The following SIN3B variants were observed in gnomAD, a reference collection of about 807,000 sequenced individuals.
SIN3B encodes paired amphipathic helix protein Sin3b.
A neutral mutation model predicts 120.2 loss-of-function variants in SIN3B; 19 were observed. The ratio of observed to expected loss-of-function variants is 0.16; its 90% CI spans 0.11 to 0.23. SIN3B has a LOEUF of 0.23. Among genes scored for constraint, SIN3B ranks in the 10% least tolerant of loss-of-function variants. The pLI is 1.00. For synonymous variants in SIN3B, 654 were observed against 653.2 expected, an observed-to-expected ratio of 1.00 and a Z score of -0.02; for missense variants, 1,073 against 1,573.0, an observed-to-expected ratio of 0.68 and a Z score of 5.38.
intron 3 of SIN3B, among the ~76,000 whole-genome samples, chr19:16,832,645 C>T (rs532608069): frequency 1.3e-5 from 2 of 151,808 alleles, no homozygotes; most frequent in East Asian, 3.9e-4. Context: ...GGACTACAGG[C>T]GTGCACCACC....
intron 14 of SIN3B, chr19:16,872,659 G>C (rs978626563): frequency 6.6e-6 from 1 of 152,140 alleles, no homozygotes; most frequent in African/African-American, 2.4e-5. Context: ...GGGCAGGCTG[G>C]TCTCGAACTC....
intron 8 of SIN3B, among the ~76,000 whole-genome samples, chr19:16,860,821 C>T (rs1000973281): frequency 2.0e-5 from 3 of 151,882 alleles, no homozygotes; most frequent in Admixed American, 1.3e-4. Flanking sequence ...TCTCGATCTC[C>T]TGACCTCGTG....
At position 16,876,415 on chromosome 19, in the gene SIN3B, G is replaced by A. The variant is rs1599619034; in HGVS notation, c.2767-71G>A. Reference sequence around the variant, plus strand: ...GGGTGGCAAAGGCGGGAGGCGGGTGGCCTTGCGAGCCTGCGCTGTGCCGGC... The same window carrying A: ...GGGTGGCAAAGGCGGGAGGCGGGTGACCTTGCGAGCCTGCGCTGTGCCGGC... On this transcript the variant is annotated intron_variant, in intron 15 of 18. Transcript: ENST00000248054. This position sits in a 1 kb window ranked among gnomAD's most constrained non-coding sequence, Gnocchi z 7.1. The A allele has an allele frequency of 1.3e-6, 2 of 1,514,076 alleles. No individual in the cohort carries two copies. Among genetic ancestry groups the A allele is most frequent in the East Asian group, 2.3e-5 (1 of 43,874 alleles). 93.8% of individuals were successfully genotyped at this position (1,514,076 alleles called of 1,614,324 possible).
intron 8 of SIN3B, among the ~76,000 whole-genome samples, chr19:16,859,556 G>A (rs2144605511): frequency 6.6e-6 from 1 of 152,250 alleles, no homozygotes; most frequent in Non-Finnish European, 1.5e-5. Context: ...GTGGTCTCAG[G>A]CATGCACGTG....
intron 3 of SIN3B, among the ~76,000 whole-genome samples, chr19:16,839,142 AT>A (rs1468098220): frequency 2.3e-4 from 35 of 151,532 alleles, no homozygotes; most frequent in Non-Finnish European, 4.3e-4. Flanking sequence ...TAATTTTTGT[AT>A]TTTTAGTGGA....
chr19:16,863,106 A>G lies in SIN3B; in HGVS notation c.1266+547A>G, dbSNP rs1416279920. 4 of 711,206 alleles carry G rather than the reference A, an allele frequency of 5.6e-6. No individual in the cohort carries two copies. The African/African-American group carries it at 7.1e-5, about 13-fold the overall frequency. 44.1% of individuals were successfully genotyped at this position (711,206 alleles called of 1,614,324 possible). A position where few individuals can be genotyped will look rare whatever the true frequency, so the allele number is the denominator to read the frequency against. On this transcript the variant is annotated intron_variant, in intron 9 of 18. Coordinates refer to ENST00000248054, the MANE Select transcript of SIN3B (RefSeq NM_001297595.2). ...GCTGCTTTTCTCACCACAAAGGCAG[A>G]GTTGAGTATTCATCTGGGATGGCCT...
At chr19:16,848,243 T>C (rs1160307440) in intron 5 of SIN3B, among the ~76,000 whole-genome samples, 3 of 152,206 alleles carry the variant, frequency 2.0e-5, no homozygotes, top group Non-Finnish European at 4.4e-5. Flanking sequence ...GAACACCTGT[T>C]TTCAGTTCTT....
Position 16,869,676 on chromosome 19 carries a change from G to A in SIN3B, c.2023G>A (p.Gly675Ser). 1 of 1,613,570 alleles carries A rather than the reference G, an allele frequency of 6.2e-7. No individual in the cohort carries two copies. Among genetic ancestry groups the A allele is most frequent in the South Asian group, 1.1e-5 (1 of 91,088 alleles). Residue 675 changes from glycine (G) to serine (S), a missense_variant, in exon 13 of 19, where the codon GGC (glycine) becomes AGC (serine). Around this residue, in one of 7 missense-constraint regions of SIN3B, gnomAD observed 169 missense variants for 207.3 expected, o/e 0.82. Transcript: ENST00000248054. ...CTTCTTCTCTCAGCAGCTGGACCTG[G>A]GCGCCTCCGAGGAGTCAGCTGATGA... The part of the protein sequence containing the change: ...SLFFSQQLDL[G>S]ASEESADEDR...
chr19:16,848,838 A>G (rs907195998), intron 5 of SIN3B, among the ~76,000 whole-genome samples: 9 of 152,078 alleles, frequency 5.9e-5, no homozygotes, highest in African/African-American at 1.4e-4. Flanking sequence ...GGGTCTCACA[A>G]TGTTGTCCAG....
intron 14 of SIN3B, chr19:16,871,761 C>G (rs1305960910): frequency 4.7e-6 from 1 of 212,882 alleles, no homozygotes; most frequent in African/African-American, 2.4e-5. Context: ...CTTTTTATGG[C>G]TCTGTAATAC....
At chr19:16,871,151 C>T (rs2051504937) in intron 13 of SIN3B, 78 bp from the exon 14 acceptor site, 2 of 1,573,854 alleles carry the variant, frequency 1.3e-6, no homozygotes, top group Non-Finnish European at 1.7e-6. Flanking sequence ...TTTGTTGGGG[C>T]TCTGTCATGC....
Position 16,838,907 on chromosome 19 carries a change from C to T in SIN3B, c.382-2861C>T, listed in dbSNP as rs769643917. Among the ~76,000 whole-genome samples, 9 of 147,048 alleles carry T rather than the reference C, an allele frequency of 6.1e-5. 1 individual carries two copies. Among genetic ancestry groups the T allele is most frequent in the Admixed American group, 5.5e-4 (8 of 14,620 alleles). On this transcript the variant is annotated intron_variant, in intron 3 of 18. Coordinates refer to ENST00000248054, the MANE Select transcript of SIN3B (RefSeq NM_001297595.2). ...CAGGCTAGTCTTGAACTCCTGACCT[C>T]GTGATCCGCCATCCTTGGCCTCCCA...
chr19:16,876,456 G>T lies in SIN3B; in HGVS notation c.2767-30G>T. The T allele has an allele frequency of 6.2e-7, 1 of 1,607,066 alleles. No individual in the cohort carries two copies. The highest frequency in any genetic ancestry group is 8.5e-7 in the Non-Finnish European group (1 of 1,175,872). On this transcript the variant is annotated intron_variant, in intron 15 of 18. Coordinates refer to ENST00000248054, the MANE Select transcript of SIN3B (RefSeq NM_001297595.2). The surrounding 1 kb of genome is among the most constrained non-coding windows in gnomAD (Gnocchi z 7.1). ...CTGTGCCGGCTGGGCTGTGCCGGCAGTGGAGGCTGTCAGCGTTCCTGCTCC... is the reference window on the plus strand; with the variant it reads ...CTGTGCCGGCTGGGCTGTGCCGGCATTGGAGGCTGTCAGCGTTCCTGCTCC...
chr19:16,876,482 G>T lies in SIN3B; in HGVS notation c.2767-4G>T. 6.2e-7 allele frequency: 1 copy of T among 1,612,726 alleles called. No individual in the cohort carries two copies. On this transcript the variant is annotated splice_polypyrimidine_tract_variant and splice_region_variant and intron_variant, in intron 15 of 18. Coordinates refer to ENST00000248054, the MANE Select transcript of SIN3B (RefSeq NM_001297595.2). The surrounding 1 kb of genome is among the most constrained non-coding windows in gnomAD (Gnocchi z 7.1). Reference sequence around the variant, plus strand: ...TGGAGGCTGTCAGCGTTCCTGCTCCGCAGGTGATGTTCCTGCAGCGCAAAG... The same window carrying T: ...TGGAGGCTGTCAGCGTTCCTGCTCCTCAGGTGATGTTCCTGCAGCGCAAAG...
Position 16,865,398 on chromosome 19 carries a change from T to A in SIN3B, c.1384-12T>A. 1 of 1,576,744 alleles carries A rather than the reference T, an allele frequency of 6.3e-7. No individual in the cohort carries two copies. The highest frequency in any genetic ancestry group is 8.7e-7 in the Non-Finnish European group (1 of 1,150,808). ...CCCAGTGGCTGACCCCGTCCTGCCTTCCTTTCCATAGTTAGACGTTGTCCT... is the reference window on the plus strand; with the variant it reads ...CCCAGTGGCTGACCCCGTCCTGCCTACCTTTCCATAGTTAGACGTTGTCCT... On this transcript the variant is annotated splice_polypyrimidine_tract_variant and intron_variant, in intron 10 of 18. Transcript: ENST00000248054.
In SIN3B at chr19:16,878,913, CCAA is replaced by C; in HGVS notation, c.*187_*189del. 1 of 616,376 alleles carries C rather than the reference CCAA, an allele frequency of 1.6e-6. No homozygotes were observed. The highest frequency in any genetic ancestry group is 2.8e-6 in the Non-Finnish European group (1 of 357,764). The allele number at this position is 616,376 out of a possible 1,614,324, so 38.2% of individuals were successfully genotyped here. ...CGGTCTCCTGTGGGCCTGCTGTGTG[CCAA>C]ACCTGAGCTACCTGCACCCGAGCCC... is the stretch of plus-strand genomic sequence containing the variant. On this transcript the variant is annotated 3_prime_UTR_variant, in exon 19 of 19. Coordinates refer to ENST00000248054, the MANE Select transcript of SIN3B (RefSeq NM_001297595.2).
Position 16,865,601 on chromosome 19 carries a change from G to A in SIN3B, c.1575G>A (p.Glu525=). Residue 525 remains glutamate (E), a synonymous_variant, in exon 11 of 19, where the codon GAG becomes GAA. Coordinates refer to ENST00000248054, the MANE Select transcript of SIN3B (RefSeq NM_001297595.2). Reference sequence around the variant, plus strand: ...GCGACAAGGCCCCGGAGATCATCGAGAGCCTCAAGAAGAACCCTGTCACCG... The same window carrying A: ...GCGACAAGGCCCCGGAGATCATCGAAAGCCTCAAGAAGAACCCTGTCACCG... ...IYGDKAPEII[E]SLKKNPVTAV... 2 of 1,612,522 alleles carry A rather than the reference G, an allele frequency of 1.2e-6. No individual in the cohort carries two copies. The highest frequency in any genetic ancestry group is 1.7e-6 in the Non-Finnish European group (2 of 1,179,126).
chr19:16,833,963 G>A (rs959542257), intron 3 of SIN3B, among the ~76,000 whole-genome samples: 4 of 152,110 alleles, frequency 2.6e-5, no homozygotes, highest in Admixed American at 1.3e-4. Flanking sequence ...CTGACCCCGT[G>A]ATTCGCCCAC....
intron 14 of SIN3B, among the ~76,000 whole-genome samples, chr19:16,873,531 C>T (rs1039752472): frequency 1.3e-5 from 2 of 151,284 alleles, no homozygotes; most frequent in Non-Finnish European, 3.0e-5. Flanking sequence ...CTCCCCCCCC[C>T]CCCAGGCTGG....
Sources: allele counts gnomAD v4.1 joint callset (sites outside exome capture counted in the v4.1 genomes callset), GRCh38; gene constraint gnomAD v4.1.1; regional missense constraint gnomAD v4.1.1; non-coding constraint Gnocchi (gnomAD v3.1); transcripts MANE v1.5; gene names NCBI Gene and HGNC (gene_info 2026-07-23, HGNC 2026-07-21).